Variants in ARHGAP18 observed in about 807,000 individuals in gnomAD.
ARHGAP18 encodes the protein rho GTPase-activating protein 18.
Under a neutral mutation model 86.2 loss-of-function variants are expected in ARHGAP18, and 67 were observed. That is an observed-to-expected ratio of 0.78 (90% CI 0.64 to 0.95). The LOEUF (loss-of-function observed/expected upper bound fraction) is 0.95, where lower values mean the gene tolerates loss of function less well. Ranked by LOEUF, ARHGAP18 falls within the 40% of genes least tolerant of loss-of-function variation. The pLI is 0.00. For synonymous variants in ARHGAP18, 283 were observed against 280.4 expected (o/e 1.01, Z -0.09); for missense variants, 691 against 780.4 (o/e 0.89, Z 1.37).
chr6:129,600,521 A>G, intron 11 of ARHGAP18, 121 bp downstream of exon 11: 1 of 770,374 alleles, frequency 1.3e-6, no homozygotes, highest in Non-Finnish European at 2.0e-6. Flanking sequence ...TACCTATATG[A>G]ATAAAATGTT....
At chr6:129,603,722 C>T (rs1057171223) in intron 10 of ARHGAP18, among the ~76,000 whole-genome samples, 1 of 152,162 alleles carries the variant, frequency 6.6e-6, no homozygotes, top group African/African-American at 2.4e-5. Flanking sequence ...TCAGTCTTCA[C>T]TATTGTTCCA....
At chr6:129,624,346 T>A (rs1400183293) in intron 5 of ARHGAP18, among the ~76,000 whole-genome samples, 1 of 151,188 alleles carries the variant, frequency 6.6e-6, no homozygotes, top group African/African-American at 2.4e-5. Context: ...CTGGCCAACG[T>A]GGTGAAGCCC....
chr6:129,608,063 C>CTAA lies in ARHGAP18; in HGVS notation c.1123-12_1123-11insTTA. Reference sequence around the variant, plus strand: ...TTCTTGGCAAAGATTCTGATAGGCACGAAAAAAAAAAAAAAAAAAAAAAGA... The same window carrying CTAA: ...TTCTTGGCAAAGATTCTGATAGGCACTAAGAAAAAAAAAAAAAAAAAAAAAAGA... On this transcript the variant is annotated splice_polypyrimidine_tract_variant and intron_variant, in intron 8 of 14. Coordinates refer to ENST00000368149, the MANE Select transcript of ARHGAP18 (RefSeq NM_033515.3). 7 of 643,522 alleles carry CTAA rather than the reference C, an allele frequency of 1.1e-5. No individual in the cohort carries two copies. The highest frequency in any genetic ancestry group is 1.2e-5 in the Non-Finnish European group (6 of 501,698). 39.9% of individuals were successfully genotyped at this position (643,522 alleles called of 1,614,324 possible).
Position 129,710,092 on chromosome 6 carries a change from G to T in ARHGAP18, c.45C>A (p.Tyr15Ter). 3 of 1,614,074 alleles carry T rather than the reference G, an allele frequency of 1.9e-6. No homozygotes were observed. Among genetic ancestry groups the T allele is most frequent in the Non-Finnish European group, 2.5e-6 (3 of 1,179,958 alleles). Residue 15 changes from tyrosine to a stop codon, truncating the protein, a stop_gained, in exon 1 of 15, where the codon TAC (tyrosine) becomes TAA (stop). Coordinates refer to ENST00000368149, the MANE Select transcript of ARHGAP18 (RefSeq NM_033515.3). LOFTEE classifies it high-confidence loss of function. ...SSSQGVVLTAYHPSGKDQTVG... is the reference protein window; with the variant it reads ...SSSQGVVLTA ...CGGTCTGGTCCTTGCCGCTGGGGTG[G>T]TAGGCTGTTAGTACCACTCCCTGGG... is the stretch of plus-strand genomic sequence containing the variant.
chr6:129,590,104 A>G (rs973475260), intron 12 of ARHGAP18, among the ~76,000 whole-genome samples: 1 of 152,196 alleles, frequency 6.6e-6, no homozygotes, highest in African/African-American at 2.4e-5. Context: ...GTGCCCACCA[A>G]GCCTCTCCCA....
intron 7 of ARHGAP18, among the ~76,000 whole-genome samples, chr6:129,613,340 T>G (rs1039390423): frequency 6.6e-6 from 1 of 152,282 alleles, no homozygotes; most frequent in East Asian, 1.9e-4. Context: ...TTAGGCGAAT[T>G]ATTTTAGATC....
intron 1 of ARHGAP18, among the ~76,000 whole-genome samples, chr6:129,677,043 C>A (rs536987664): frequency 8.2e-5 from 12 of 145,612 alleles, no homozygotes; most frequent in Admixed American, 7.3e-4. Context: ...AGATCTAAAA[C>A]GTAAATTCAG....
chr6:129,629,465 G>T lies in ARHGAP18; in HGVS notation c.674C>A (p.Ala225Asp). The T allele has an allele frequency of 6.2e-7, 1 of 1,613,780 alleles. No homozygotes were observed. The part of the protein sequence containing the change: ...EKLIPPEETP[A>D]PETDINLEVS... ...CTCCAGGTTGATGTCTGTTTCAGGG[G>T]CAGGCGTCTCCTCAGGTGGGATCAG... is the stretch of plus-strand genomic sequence containing the variant. Residue 225 changes from alanine to aspartate, a missense_variant, in exon 5 of 15, where the codon GCC (alanine) becomes GAC (aspartate). By Grantham distance (126) the Ala-to-Asp change is moderately radical. Coordinates refer to ENST00000368149, the MANE Select transcript of ARHGAP18 (RefSeq NM_033515.3).
intron 1 of ARHGAP18, among the ~76,000 whole-genome samples, chr6:129,671,684 G>A (rs1484334104): frequency 1.3e-5 from 2 of 152,152 alleles, no homozygotes; most frequent in Admixed American, 1.3e-4. Flanking sequence ...TCCAGCCTGG[G>A]TAAACAGAGT....
intron 1 of ARHGAP18, among the ~76,000 whole-genome samples, chr6:129,693,905 G>A (rs1206186054): frequency 2.8e-5 from 4 of 141,664 alleles, no homozygotes; most frequent in Admixed American, 2.1e-4. Flanking sequence ...CCAGTTATAC[G>A]AACAGCTGAC....
intron 1 of ARHGAP18, among the ~76,000 whole-genome samples, chr6:129,691,571 CA>C (rs1774529344): frequency 6.6e-6 from 1 of 152,056 alleles, no homozygotes; most frequent in Non-Finnish European, 1.5e-5. Flanking sequence ...GTTCACAGAA[CA>C]AAGTTTTGTA....
At chr6:129,598,534 C>T (rs553368625) in intron 12 of ARHGAP18, among the ~76,000 whole-genome samples, 21 of 152,310 alleles carry the variant, frequency 1.4e-4, no homozygotes, top group East Asian at 7.7e-4. Flanking sequence ...CATGAACTTA[C>T]GCTACAGCTT....
chr6:129,697,532 C>T (rs182287389), intron 1 of ARHGAP18, among the ~76,000 whole-genome samples: 25 of 152,028 alleles, frequency 1.6e-4, no homozygotes, highest in African/African-American at 6.0e-4. Context: ...AATTTCTAGT[C>T]ATCCACTTCA....
chr6:129,612,770 T>C (rs906276060), intron 7 of ARHGAP18, among the ~76,000 whole-genome samples: 2 of 152,222 alleles, frequency 1.3e-5, no homozygotes, highest in Admixed American at 6.5e-5. Flanking sequence ...AACTTTTCTT[T>C]AAACACTTCA....
chr6:129,628,451 A>G (rs1773089378), intron 5 of ARHGAP18, among the ~76,000 whole-genome samples: 1 of 152,212 alleles, frequency 6.6e-6, no homozygotes, highest in Non-Finnish European at 1.5e-5. Context: ...GACATATAAG[A>G]TATTTGCCCA....
chr6:129,692,004 C>A (rs892656644), intron 1 of ARHGAP18, among the ~76,000 whole-genome samples: 1 of 152,236 alleles, frequency 6.6e-6, no homozygotes, highest in African/African-American at 2.4e-5. Flanking sequence ...TTCCTCAGCA[C>A]TGACACAGCC....
intron 1 of ARHGAP18, among the ~76,000 whole-genome samples, chr6:129,706,983 T>C (rs1188336020): frequency 6.6e-6 from 1 of 151,606 alleles, no homozygotes; most frequent in Non-Finnish European, 1.5e-5. Flanking sequence ...TCCCAGCACT[T>C]TGGGGGGCCA....
intron 1 of ARHGAP18, among the ~76,000 whole-genome samples, chr6:129,659,307 T>C (rs148251288): frequency 1.3e-3 from 205 of 152,372 alleles, no homozygotes; most frequent in African/African-American, 4.7e-3. Flanking sequence ...TCCTTCTCAC[T>C]GCTAACATGT....
At chr6:129,594,498 C>T (rs916000693) in intron 12 of ARHGAP18, among the ~76,000 whole-genome samples, 9 of 152,156 alleles carry the variant, frequency 5.9e-5, no homozygotes, top group Admixed American at 5.2e-4. Flanking sequence ...CATATATCCA[C>T]CTTGTGTAAT....
Sources: allele counts gnomAD v4.1 joint callset (sites outside exome capture counted in the v4.1 genomes callset), GRCh38; gene constraint gnomAD v4.1.1; transcripts MANE v1.5; gene names NCBI Gene and HGNC (gene_info 2026-07-23, HGNC 2026-07-21).